GPC6: variants seen among roughly 807,000 people sequenced by gnomAD.
GPC6 encodes glypican 6.
Under a neutral mutation model 55.2 loss-of-function variants are expected in GPC6, and 14 were observed. The observed-to-expected ratio is 0.25, with a 90% CI of 0.17 to 0.40. The LOEUF (loss-of-function observed/expected upper bound fraction) is 0.40, where lower values mean the gene tolerates loss of function less well. Ranked by LOEUF, GPC6 falls within the 10% of genes least tolerant of loss-of-function variation. GPC6 has a pLI of 1.00. For missense variants in GPC6, 641 were observed against 708.5 expected (o/e 0.90, Z 1.08); for synonymous variants, 278 against 259.6 (o/e 1.07, Z -0.68).
At chr13:93,521,931 T>C (rs1474808970) in intron 1 of GPC6, among the ~76,000 whole-genome samples, 1 of 152,058 alleles carries the variant, frequency 6.6e-6, no homozygotes, top group Non-Finnish European at 1.5e-5. Flanking sequence ...AATTTGTTAA[T>C]CTTTTCTAGA....
Position 93,585,277 on chromosome 13 carries a change from T to A in GPC6, c.319+39856T>A, listed in dbSNP as rs181901872. On this transcript the variant is annotated intron_variant, in intron 2 of 8. Transcript: ENST00000377047. ...AAACAATCTCTTTTTCTCAGGAAAG[T>A]TAAAGGTTTACAGAAGAGTTTGGGT... Among the ~76,000 whole-genome samples, 176 of 152,268 alleles carry A rather than the reference T, an allele frequency of 1.2e-3. 1 individual carries two copies. The highest frequency in any genetic ancestry group is 4.1e-3 in the African/African-American group (171 of 41,568).
chr13:94,318,488 A>G (rs1876654812), intron 6 of GPC6, among the ~76,000 whole-genome samples: 2 of 152,202 alleles, frequency 1.3e-5, no homozygotes, highest in South Asian at 2.1e-4. Context: ...GTTATTGAAT[A>G]TCATCTCTCG....
intron 4 of GPC6, among the ~76,000 whole-genome samples, chr13:94,253,245 G>A (rs1566596918): frequency 6.6e-6 from 1 of 152,086 alleles, no homozygotes; most frequent in Non-Finnish European, 1.5e-5. Flanking sequence ...TAAGAGGGTG[G>A]TCTGCGTTCC....
intron 1 of GPC6, among the ~76,000 whole-genome samples, chr13:93,284,028 C>A (rs1878033745): frequency 1.3e-5 from 2 of 152,152 alleles, no homozygotes; most frequent in Admixed American, 6.5e-5. Context: ...TCTCTCAGGG[C>A]AACACTTGTA....
intron 2 of GPC6, among the ~76,000 whole-genome samples, chr13:93,575,736 A>G (rs1447549259): frequency 1.3e-5 from 2 of 152,164 alleles, no homozygotes; most frequent in African/African-American, 4.8e-5. Flanking sequence ...ACTATCATCC[A>G]TGCCTTCTGA....
Position 94,291,331 on chromosome 13 carries a change from A to G in GPC6, c.1008+4852A>G, listed in dbSNP as rs1470307630. 3.3e-5 allele frequency among the ~76,000 whole-genome samples: 5 copies of G among 152,328 alleles called. No individual in the cohort carries two copies. In the East Asian group the frequency reaches 9.6e-4, roughly 29 times the overall value. On this transcript the variant is annotated intron_variant, in intron 5 of 8. Transcript: ENST00000377047. Reference sequence around the variant, plus strand: ...TGTGTCTGGTACGGCTGGTACAGAGAAAAGAGGACGCAAGGAATTAAGGAA... The same window carrying G: ...TGTGTCTGGTACGGCTGGTACAGAGGAAAGAGGACGCAAGGAATTAAGGAA...
At chr13:93,394,437 T>C (rs1875767700) in intron 1 of GPC6, among the ~76,000 whole-genome samples, 1 of 152,232 alleles carries the variant, frequency 6.6e-6, no homozygotes, top group African/African-American at 2.4e-5. Flanking sequence ...TATTGTTTTG[T>C]AAGTGAATAA....
At chr13:93,903,375 C>T (rs1213162321) in intron 3 of GPC6, among the ~76,000 whole-genome samples, 1 of 152,170 alleles carries the variant, frequency 6.6e-6, no homozygotes, top group African/African-American at 2.4e-5. Context: ...TTTTCTCCTT[C>T]AGTTTTTCCA....
At chr13:94,258,592 T>C (rs1891567931) in intron 4 of GPC6, among the ~76,000 whole-genome samples, 1 of 152,212 alleles carries the variant, frequency 6.6e-6, no homozygotes, top group Non-Finnish European at 1.5e-5. Context: ...GTTTACATTA[T>C]ATTTCTAACT....
chr13:93,864,086 A>G (rs957073194), intron 3 of GPC6, among the ~76,000 whole-genome samples: 4 of 151,668 alleles, frequency 2.6e-5, no homozygotes, highest in African/African-American at 9.7e-5. Context: ...TTTCTCTTGT[A>G]TTTTGGATAT....
chr13:94,295,607 G>A (rs1226366611), intron 5 of GPC6, among the ~76,000 whole-genome samples: 2 of 152,134 alleles, frequency 1.3e-5, no homozygotes, highest in Admixed American at 6.5e-5. Context: ...GGTAGTGCAG[G>A]AGACTGTGTC....
At chr13:93,832,406 G>A (rs980542878) in intron 3 of GPC6, among the ~76,000 whole-genome samples, 13 of 152,078 alleles carry the variant, frequency 8.5e-5, no homozygotes, top group African/African-American at 2.9e-4. Flanking sequence ...GCTGCAAGCT[G>A]AAGCTTTTGA....
At chr13:94,030,601 A>G (rs1288891832) in intron 4 of GPC6, among the ~76,000 whole-genome samples, 3 of 152,142 alleles carry the variant, frequency 2.0e-5, no homozygotes, top group African/African-American at 7.2e-5. Context: ...TCCAACAAAA[A>G]TTATATATAA....
chr13:93,695,802 C>A (rs1882433267), intron 2 of GPC6, among the ~76,000 whole-genome samples: 1 of 152,020 alleles, frequency 6.6e-6, no homozygotes, highest in Non-Finnish European at 1.5e-5. Flanking sequence ...TGTGACATTG[C>A]TGATATTAAT....
Position 94,272,502 on chromosome 13 carries a change from T to G in GPC6, c.878-13847T>G, listed in dbSNP as rs1412919688. ...TTTTTTTTTTGAAACAGAGTCTCAC[T>G]CTGTTGCCCAGGCTGGAGTGCAGTG... is the stretch of plus-strand genomic sequence containing the variant. On this transcript the variant is annotated intron_variant, in intron 4 of 8. Transcript: ENST00000377047. Among the ~76,000 whole-genome samples, 4 of 135,488 alleles carry G rather than the reference T, an allele frequency of 3.0e-5. No individual in the cohort carries two copies. In the East Asian group the frequency reaches 9.4e-4, roughly 32 times the overall value. The allele number at this position is 135,488 out of a possible 152,430, so 88.9% of individuals were successfully genotyped here. A position where few individuals can be genotyped will look rare whatever the true frequency, so the allele number is the denominator to read the frequency against.
chr13:93,708,534 A>C (rs1266436374), intron 2 of GPC6, among the ~76,000 whole-genome samples: 1 of 151,776 alleles, frequency 6.6e-6, no homozygotes, highest in East Asian at 1.9e-4. Flanking sequence ...TTATCCTCTG[A>C]TATTCACTTA....
chr13:93,927,903 C>G (rs1346678651), intron 3 of GPC6, among the ~76,000 whole-genome samples: 1 of 152,058 alleles, frequency 6.6e-6, no homozygotes, highest in Non-Finnish European at 1.5e-5. Flanking sequence ...AATCACTAGA[C>G]TAAACTGAAA....
rs1875809856 is a variant in GPC6 at position 93,227,033 on chromosome 13, C to CCGGG, written c.-423_-420dup. On this transcript the variant is annotated 5_prime_UTR_variant, in exon 1 of 9. Transcript: ENST00000377047. This position sits in a 1 kb window ranked among gnomAD's most constrained non-coding sequence, Gnocchi z 4.3. Reference sequence around the variant, plus strand: ...TCGCTCTCGCTTGTCCATCTCCCTCCCGGGGGAGCCGGCGCGCGCTCCCAC... The same window carrying CCGGG: ...TCGCTCTCGCTTGTCCATCTCCCTCCCGGGCGGGGGAGCCGGCGCGCGCTCCCAC... 1.9e-5 allele frequency: 3 copies of CCGGG among 160,948 alleles called. No homozygotes were observed. The highest frequency in any genetic ancestry group is 7.2e-5 in the African/African-American group (3 of 41,690). The allele number at this position is 160,948 out of a possible 1,614,324, so 10.0% of individuals were successfully genotyped here.
At chr13:94,344,392 T>A (rs1878185222) in intron 6 of GPC6, among the ~76,000 whole-genome samples, 1 of 152,236 alleles carries the variant, frequency 6.6e-6, no homozygotes, top group South Asian at 2.1e-4. Flanking sequence ...GTCTTCCACA[T>A]GAGCTTGAAA....
Sources: gnomAD v4.1 joint callset for allele counts (sites outside exome capture counted in the v4.1 genomes callset) on GRCh38, gnomAD v4.1.1 for gene constraint, Gnocchi (gnomAD v3.1) non-coding constraint, MANE v1.5 for transcripts, NCBI Gene and HGNC (gene_info 2026-07-23, HGNC 2026-07-21) for gene names.